SHISA6: variants seen among roughly 807,000 people sequenced by gnomAD.
SHISA6 encodes shisa family member 6.
SHISA6 carries 22 observed loss-of-function variants against 47.9 expected under a neutral mutation model. That is an observed-to-expected ratio of 0.46 (90% CI 0.33 to 0.66). SHISA6 has a LOEUF of 0.66. Ranked by LOEUF, SHISA6 falls within the 30% of genes least tolerant of loss-of-function variation. SHISA6 has a pLI of 0.02. For synonymous variants in SHISA6, 388 were observed against 337.8 expected, an observed-to-expected ratio of 1.15 and a Z score of -1.63; for missense variants, 680 against 764.6, an observed-to-expected ratio of 0.89 and a Z score of 1.30.
intron 3 of SHISA6, among the ~76,000 whole-genome samples, chr17:11,430,008 A>T (rs769046155): frequency 1.1e-4 from 16 of 152,146 alleles, no homozygotes; most frequent in Non-Finnish European, 1.8e-4. Flanking sequence ...TTTGTCAATG[A>T]CCCATTTTCT....
intron 3 of SHISA6, among the ~76,000 whole-genome samples, chr17:11,512,331 G>C (rs1012942013): frequency 6.6e-6 from 1 of 152,048 alleles, no homozygotes; most frequent in Non-Finnish European, 1.5e-5. Flanking sequence ...TTAGCTCCCC[G>C]TACAGGACAC....
intron 3 of SHISA6, among the ~76,000 whole-genome samples, chr17:11,447,698 C>T (rs544331146): frequency 1.3e-5 from 2 of 152,316 alleles, no homozygotes; most frequent in South Asian, 2.1e-4. Flanking sequence ...GATGGATTGA[C>T]AGCAGAGCTG....
chr17:11,477,408 C>G (rs944115100), intron 3 of SHISA6, among the ~76,000 whole-genome samples: 3 of 152,008 alleles, frequency 2.0e-5, no homozygotes, highest in Middle Eastern at 3.2e-3. Flanking sequence ...ATTTCTTAAC[C>G]TATCAGTTAA....
rs2072024131 is a variant in SHISA6, at chr17:11,559,861, C to T, written c.*1557C>T. Reference sequence around the variant, plus strand: ...GTGAATTCAGCAGCATCCGCTCCCCCAAGACCAGAGAGCCTGGTGGGGGAA... The same window carrying T: ...GTGAATTCAGCAGCATCCGCTCCCCTAAGACCAGAGAGCCTGGTGGGGGAA... On this transcript the variant is annotated 3_prime_UTR_variant, in exon 6 of 6. Transcript: ENST00000441885. The surrounding 1 kb of genome is among the most constrained non-coding windows in gnomAD (Gnocchi z 4.4). The T allele has an allele frequency of 6.6e-6, 1 of 152,208 alleles. No homozygotes were observed. The highest frequency in any genetic ancestry group is 6.5e-5 in the Admixed American group (1 of 15,278). 9.4% of individuals were successfully genotyped at this position (152,208 alleles called of 1,614,324 possible). A position where few individuals can be genotyped will look rare whatever the true frequency, so the allele number is the denominator to read the frequency against.
At chr17:11,315,683 A>T (rs73295467) in intron 2 of SHISA6, among the ~76,000 whole-genome samples, 17,867 of 152,200 alleles carry the variant, frequency 0.12, 1,141 homozygotes, top group East Asian at 0.2. Flanking sequence ...ATTATATAAC[A>T]TATTTTGATT....
At chr17:11,324,572 T>C (rs939088597) in intron 2 of SHISA6, among the ~76,000 whole-genome samples, 1 of 151,916 alleles carries the variant, frequency 6.6e-6, no homozygotes, top group Admixed American at 6.6e-5. Context: ...GGCGGGGTAT[T>C]GGGGCTGGAG....
At chr17:11,265,390 G>A (rs976462894) in intron 2 of SHISA6, among the ~76,000 whole-genome samples, 1 of 152,166 alleles carries the variant, frequency 6.6e-6, no homozygotes, top group Non-Finnish European at 1.5e-5. Context: ...CCCATCCCCA[G>A]AGACTGACTG....
intron 2 of SHISA6, among the ~76,000 whole-genome samples, chr17:11,344,692 A>T (rs1252639188): frequency 1.3e-5 from 2 of 152,180 alleles, no homozygotes; most frequent in Non-Finnish European, 2.9e-5. Context: ...GTACAGAGTG[A>T]TATTTCAATA....
At chr17:11,462,189 C>T (rs1915708779) in intron 3 of SHISA6, among the ~76,000 whole-genome samples, 2 of 152,264 alleles carry the variant, frequency 1.3e-5, no homozygotes, top group South Asian at 4.1e-4. Context: ...TTGCTTCTGT[C>T]CTCTCTGGGA....
intron 3 of SHISA6, among the ~76,000 whole-genome samples, chr17:11,416,671 AG>A (rs1405193552): frequency 6.6e-6 from 1 of 152,230 alleles, no homozygotes; most frequent in Non-Finnish European, 1.5e-5. Flanking sequence ...TAAACACCAA[AG>A]AATATTCATT....
intron 2 of SHISA6, among the ~76,000 whole-genome samples, chr17:11,366,389 C>T (rs1349330900): frequency 6.6e-6 from 1 of 152,238 alleles, no homozygotes; most frequent in Non-Finnish European, 1.5e-5. Context: ...ATCTGCTTGC[C>T]TTGGCCTCAG....
In SHISA6 at chr17:11,241,379, G is replaced by A. The variant is rs929805227; in HGVS notation, c.-44G>A. ...CCGAGCCCGGCCCGCCGGGGGAGCG[G>A]CCTGCCGCGGAAGCCTCCCCGCGCC... On this transcript the variant is annotated 5_prime_UTR_variant, in exon 1 of 6. Coordinates refer to ENST00000441885, the MANE Select transcript of SHISA6 (RefSeq NM_207386.4). This position sits in a 1 kb window ranked among gnomAD's most constrained non-coding sequence, Gnocchi z 5.5. 1.9e-6 allele frequency: 2 copies of A among 1,043,444 alleles called. No individual in the cohort carries two copies. Among genetic ancestry groups the A allele is most frequent in the Non-Finnish European group, 2.3e-6 (2 of 870,328 alleles). 64.6% of individuals were successfully genotyped at this position (1,043,444 alleles called of 1,614,324 possible). A position where few individuals can be genotyped will look rare whatever the true frequency, so the allele number is the denominator to read the frequency against.
At chr17:11,351,322 A>G (rs140838056) in intron 2 of SHISA6, among the ~76,000 whole-genome samples, 1 of 152,202 alleles carries the variant, frequency 6.6e-6, no homozygotes, top group South Asian at 2.1e-4. Context: ...TAAACAAAAA[A>G]TACTATCCCG....
chr17:11,253,433 G>C (rs1290199571), intron 1 of SHISA6, among the ~76,000 whole-genome samples: 1 of 152,108 alleles, frequency 6.6e-6, no homozygotes, highest in African/African-American at 2.4e-5. Context: ...TTTACAGGCG[G>C]GCTCTTAGTA....
chr17:11,342,489 C>T (rs549280933), intron 2 of SHISA6, among the ~76,000 whole-genome samples: 5 of 152,082 alleles, frequency 3.3e-5, no homozygotes, highest in South Asian at 4.2e-4. Flanking sequence ...AAAGGGTCTT[C>T]GTGAGCTCCC....
intron 3 of SHISA6, among the ~76,000 whole-genome samples, chr17:11,400,700 T>C (rs1913740295): frequency 6.6e-6 from 1 of 152,194 alleles, no homozygotes; most frequent in Non-Finnish European, 1.5e-5. Flanking sequence ...ATTTCTTTCA[T>C]TTTCTAGGCA....
intron 3 of SHISA6, among the ~76,000 whole-genome samples, chr17:11,535,935 T>TG (rs2071783125): frequency 6.6e-6 from 1 of 152,090 alleles, no homozygotes; most frequent in Non-Finnish European, 1.5e-5. Flanking sequence ...TATATACATA[T>TG]GTACACATAT....
chr17:11,392,981 T>A (rs997700853), intron 3 of SHISA6, among the ~76,000 whole-genome samples: 3 of 152,244 alleles, frequency 2.0e-5, no homozygotes, highest in African/African-American at 7.2e-5. Context: ...AACCCCCTTT[T>A]TGTGCGAATT....
At chr17:11,312,750 A>G (rs907528837) in intron 2 of SHISA6, among the ~76,000 whole-genome samples, 2 of 152,168 alleles carry the variant, frequency 1.3e-5, no homozygotes, top group African/African-American at 2.4e-5. Context: ...ATTCTTTTTA[A>G]ATGGTCATTT....
Sources: gnomAD v4.1 joint callset for allele counts (sites outside exome capture counted in the v4.1 genomes callset) on GRCh38, gnomAD v4.1.1 for gene constraint, Gnocchi (gnomAD v3.1) non-coding constraint, MANE v1.5 for transcripts, NCBI Gene and HGNC (gene_info 2026-07-23, HGNC 2026-07-21) for gene names.